Variants in CDH13 observed in about 807,000 individuals in gnomAD.
The protein encoded by CDH13 is cadherin-13.
Under a neutral mutation model 63.8 loss-of-function variants are expected in CDH13, and 24 were observed. The ratio of observed to expected loss-of-function variants is 0.38; its 90% CI spans 0.27 to 0.53. The LOEUF (loss-of-function observed/expected upper bound fraction) is 0.53, where lower values mean the gene tolerates loss of function less well. Ranked by LOEUF, CDH13 falls within the 20% of genes least tolerant of loss-of-function variation. The pLI is 0.85. For missense variants in CDH13, 1,049 were observed against 903.1 expected (o/e 1.16, Z -2.07); for synonymous variants, 503 against 355.3 (o/e 1.42, Z -4.67).
At position 83,193,512 on chromosome 16, in the gene CDH13, G is replaced by T. The variant is rs75244912; in HGVS notation, c.484-23833G>T. Reference sequence around the variant, plus strand: ...AGAGCAGAACCTAGGTTCTCTATAGGATGGGGAGGTATAAGGACTCCTTTC... The same window carrying T: ...AGAGCAGAACCTAGGTTCTCTATAGTATGGGGAGGTATAAGGACTCCTTTC... On this transcript the variant is annotated intron_variant, in intron 4 of 13. Transcript: ENST00000567109. Among the ~76,000 whole-genome samples the T allele has an allele frequency of 9.5e-3, 1,451 of 152,234 alleles. 23 individuals carry two copies. The highest frequency in any genetic ancestry group is 0.033 in the African/African-American group (1,378 of 41,514).
At chr16:83,101,578 G>A (rs2034480599) in intron 3 of CDH13, among the ~76,000 whole-genome samples, 1 of 152,086 alleles carries the variant, frequency 6.6e-6, no homozygotes, top group Non-Finnish European at 1.5e-5. Context: ...GGAATCACAT[G>A]AGGTCAGGAG....
chr16:83,173,791 G>T (rs1389121488), intron 4 of CDH13, among the ~76,000 whole-genome samples: 1 of 152,006 alleles, frequency 6.6e-6, no homozygotes, highest in Non-Finnish European at 1.5e-5. Flanking sequence ...CCCAAACTGA[G>T]GTTGTACCCT....
At chr16:83,145,954 G>T (rs2036727987) in intron 4 of CDH13, among the ~76,000 whole-genome samples, 1 of 152,132 alleles carries the variant, frequency 6.6e-6, no homozygotes, top group Non-Finnish European at 1.5e-5. Context: ...GGAACTTTGG[G>T]AGGCCGAGGC....
At chr16:83,049,459 C>A (rs888519009) in intron 3 of CDH13, among the ~76,000 whole-genome samples, 2 of 151,634 alleles carry the variant, frequency 1.3e-5, no homozygotes, top group Admixed American at 1.3e-4. Context: ...CTCATCCTCC[C>A]GAGTAGCTGG....
At chr16:83,751,458 C>CA (rs549308011) in intron 11 of CDH13, among the ~76,000 whole-genome samples, 41 of 151,702 alleles carry the variant, frequency 2.7e-4, no homozygotes, top group Non-Finnish European at 4.9e-4. Flanking sequence ...CTCCCCTCCA[C>CA]AAAAAAGAAA....
intron 5 of CDH13, among the ~76,000 whole-genome samples, chr16:83,285,872 C>T (rs1459884291): frequency 2.0e-5 from 3 of 152,156 alleles, no homozygotes; most frequent in Non-Finnish European, 4.4e-5. Flanking sequence ...ATAAACTCTA[C>T]TCATTGTGGC....
At chr16:82,960,011 A>G (rs1906729253) in intron 2 of CDH13, among the ~76,000 whole-genome samples, 1 of 152,204 alleles carries the variant, frequency 6.6e-6, no homozygotes, top group African/African-American at 2.4e-5. Context: ...GAGCGGCTAT[A>G]CCATTTTACA....
chr16:83,230,537 G>A (rs567585884), intron 5 of CDH13, among the ~76,000 whole-genome samples: 1 of 152,306 alleles, frequency 6.6e-6, no homozygotes, highest in East Asian at 1.9e-4. Flanking sequence ...TGTAATCCCA[G>A]CACTTTGGGA....
At chr16:82,961,182 A>G (rs1906928185) in intron 2 of CDH13, among the ~76,000 whole-genome samples, 1 of 152,148 alleles carries the variant, frequency 6.6e-6, no homozygotes, top group Non-Finnish European at 1.5e-5. Flanking sequence ...CCTTCCCGAC[A>G]AGGACACTGA....
rs1340114335 is a variant in CDH13 at position 83,779,405 on chromosome 16, TCAAAA to T, written c.1682-562_1682-558del. On this transcript the variant is annotated intron_variant, in intron 11 of 13. Coordinates refer to ENST00000567109, the MANE Select transcript of CDH13 (RefSeq NM_001257.5). ...CCGGGCGACAGCGCGAGACTCCATC[TCAAAA>T]AAAAAAAAAAAAAAAAAAAAAAAAA... Among the ~76,000 whole-genome samples the T allele has an allele frequency of 2.9e-3, 197 of 67,764 alleles. 9 individuals carry two copies. Among genetic ancestry groups the T allele is most frequent in the Non-Finnish European group, 3.9e-3 (152 of 39,130 alleles). 44.5% of individuals were successfully genotyped at this position (67,764 alleles called of 152,430 possible).
chr16:83,734,857 C>T (rs1392109932), intron 10 of CDH13, among the ~76,000 whole-genome samples: 1 of 151,726 alleles, frequency 6.6e-6, no homozygotes, highest in African/African-American at 2.4e-5. Context: ...CCTCATTATC[C>T]AGAGGCAGTG....
At chr16:82,893,789 C>A (rs926033921) in intron 2 of CDH13, among the ~76,000 whole-genome samples, 3 of 152,174 alleles carry the variant, frequency 2.0e-5, no homozygotes, top group African/African-American at 7.2e-5. Flanking sequence ...ACCTCAGCTA[C>A]TCTTCCCACT....
intron 2 of CDH13, among the ~76,000 whole-genome samples, chr16:82,860,192 G>A (rs17740967): frequency 0.12 from 17,694 of 151,918 alleles, 1,079 homozygotes; most frequent in Admixed American, 0.18. Flanking sequence ...AATGCGAAGC[G>A]ACCCTGAGTA....
At chr16:83,049,613 G>A (rs148257138) in intron 3 of CDH13, among the ~76,000 whole-genome samples, 30 of 152,258 alleles carry the variant, frequency 2.0e-4, no homozygotes, top group African/African-American at 6.5e-4. Flanking sequence ...GGGATTACAG[G>A]CGTGAATGAC....
intron 2 of CDH13, among the ~76,000 whole-genome samples, chr16:82,947,393 T>G (rs1322980741): frequency 6.6e-6 from 1 of 152,190 alleles, no homozygotes; most frequent in African/African-American, 2.4e-5. Context: ...AGTTGCAAAC[T>G]GGATATTTTG....
rs954220648 is a variant in CDH13, at chr16:83,737,664, G to C, written c.1539-10444G>C. Among the ~76,000 whole-genome samples, 4 of 152,266 alleles carry C rather than the reference G, an allele frequency of 2.6e-5. No homozygotes were observed. The East Asian group carries it at 7.7e-4, about 29-fold the overall frequency. On this transcript the variant is annotated intron_variant, in intron 10 of 13. Coordinates refer to ENST00000567109, the MANE Select transcript of CDH13 (RefSeq NM_001257.5). ...AGAATGGTGGTTCTCAAACTTTGGTGAATCAGAGCCACCTGGAAAACATGT... is the reference window on the plus strand; with the variant it reads ...AGAATGGTGGTTCTCAAACTTTGGTCAATCAGAGCCACCTGGAAAACATGT...
Position 82,802,969 on chromosome 16 carries a change from T to C in CDH13, c.46-55393T>C, listed in dbSNP as rs7184961. 5.5e-3 allele frequency among the ~76,000 whole-genome samples: 836 copies of C among 152,326 alleles called. 7 individuals are homozygous for C. Among genetic ancestry groups the C allele is most frequent in the African/African-American group, 0.019 (784 of 41,578 alleles). On this transcript the variant is annotated intron_variant, in intron 1 of 13. Coordinates refer to ENST00000567109, the MANE Select transcript of CDH13 (RefSeq NM_001257.5). ...CCCATTTCAGAAACTCTAAAATACT[T>C]ACTTGAATCCCTGGAATGGATTCAT...
intron 1 of CDH13, among the ~76,000 whole-genome samples, chr16:82,732,562 A>C (rs2033458523): frequency 6.6e-6 from 1 of 152,324 alleles, no homozygotes; most frequent in African/African-American, 2.4e-5. Flanking sequence ...GAATGGAATG[A>C]GGGTTGTTTA....
intron 5 of CDH13, among the ~76,000 whole-genome samples, chr16:83,315,710 T>G (rs1220312967): frequency 6.6e-6 from 1 of 152,128 alleles, no homozygotes; most frequent in Non-Finnish European, 1.5e-5. Flanking sequence ...TGGAGTTATT[T>G]CTAGTCATCG....
Sources: gnomAD v4.1 joint callset for allele counts (sites outside exome capture counted in the v4.1 genomes callset) on GRCh38, gnomAD v4.1.1 for gene constraint, MANE v1.5 for transcripts, NCBI Gene and HGNC (gene_info 2026-07-23, HGNC 2026-07-21) for gene names.